Variants in C19orf38 observed in about 807,000 individuals in gnomAD.
The protein encoded by C19orf38 is chromosome 19 open reading frame 38.
Under a neutral mutation model 26.6 loss-of-function variants are expected in C19orf38, and 14 were observed. The ratio of observed to expected loss-of-function variants is 0.53; its 90% CI spans 0.35 to 0.82. The LOEUF (loss-of-function observed/expected upper bound fraction) is 0.82, where lower values mean the gene tolerates loss of function less well. C19orf38 is among the 40% of genes least tolerant of loss of function. C19orf38 has a pLI of 0.01. For missense variants in C19orf38, 261 were observed against 299.5 expected, an observed-to-expected ratio of 0.87 and a Z score of 0.95; for synonymous variants, 132 against 128.5, an observed-to-expected ratio of 1.03 and a Z score of -0.18.
intron 2 of C19orf38, among the ~76,000 whole-genome samples, chr19:10,852,780 G>A (rs1568334827): frequency 6.6e-6 from 1 of 152,066 alleles, no homozygotes; most frequent in Non-Finnish European, 1.5e-5. Context: ...GCAAGGATTC[G>A]ATCTTTTCAC....
Position 10,861,655 on chromosome 19 carries a change from G to A in C19orf38, c.506-1515G>A, listed in dbSNP as rs527480321. ...TGCAGTGGCACGATCTCAGCTTACT[G>A]CAACCTCTGCCTCCCGGGTTCAAGT... On this transcript the variant is annotated intron_variant, in intron 5 of 6. Coordinates refer to ENST00000397820, the MANE Select transcript of C19orf38 (RefSeq NM_001136482.3). 2.1e-3 allele frequency among the ~76,000 whole-genome samples: 314 copies of A among 152,098 alleles called. 1 individual carries two copies. Among genetic ancestry groups the A allele is most frequent in the Non-Finnish European group, 3.1e-3 (208 of 67,998 alleles).
intron 3 of C19orf38, among the ~76,000 whole-genome samples, chr19:10,857,340 A>G (rs1393467750): frequency 4.7e-5 from 2 of 42,116 alleles, no homozygotes; most frequent in Non-Finnish European, 8.0e-5. Context: ...ACACACATAC[A>G]TATATATATA....
At position 10,858,319 on chromosome 19, in the gene C19orf38, A is replaced by G. The variant is rs1351142622; in HGVS notation, c.437A>G (p.Lys146Arg). 3 of 1,548,164 alleles carry G rather than the reference A, an allele frequency of 1.9e-6. No homozygotes were observed. In the South Asian group the frequency reaches 3.6e-5, roughly 18 times the overall value. The change falls in exon 4 of 7, where the codon AAA becomes AGA. Residue 146 changes from lysine (K) to arginine (R), a missense_variant. Physicochemically the swap from Lys to Arg is conservative, Grantham distance 26 (BLOSUM62 2). Transcript: ENST00000397820. ...GCTCATTTCTTTTTTGTTCCAGTTA[A>G]ACTCAGAAATTTACAGAAGAAAAGG... The part of the protein sequence containing the change: ...VAVALVVRKV[K>R]LRNLQKKRDR...
chr19:10,863,587 A>G lies in C19orf38; in HGVS notation c.543+380A>G, dbSNP rs574539622. Reference sequence around the variant, plus strand: ...GAGGCTTGTGACAATCTGTGTCACAATCTGTGACAGGCTGTGGTCGGTCCC... The same window carrying G: ...GAGGCTTGTGACAATCTGTGTCACAGTCTGTGACAGGCTGTGGTCGGTCCC... On this transcript the variant is annotated intron_variant, in intron 6 of 6. Transcript: ENST00000397820. Among the ~76,000 whole-genome samples the G allele has an allele frequency of 5.3e-5, 8 of 152,294 alleles. No homozygotes were observed. In the South Asian group the frequency reaches 1.2e-3, roughly 24 times the overall value.
chr19:10,859,280 ATGTGTGTGTG>A (rs1025386100), intron 4 of C19orf38, among the ~76,000 whole-genome samples: 657 of 40,084 alleles, frequency 0.016, 7 homozygotes, highest in African/African-American at 0.055. Context: ...GTGTGTGTGT[ATGTGTGTGTG>A]TATATGTGTG....
chr19:10,869,574 C>A lies in C19orf38; in HGVS notation c.*207C>A, dbSNP rs984397548. The A allele has an allele frequency of 1.5e-6, 1 of 662,554 alleles. No homozygotes were observed. Among genetic ancestry groups the A allele is most frequent in the Non-Finnish European group, 2.4e-6 (1 of 423,512 alleles). 41.0% of individuals were successfully genotyped at this position (662,554 alleles called of 1,614,324 possible). On this transcript the variant is annotated 3_prime_UTR_variant, in exon 7 of 7. Transcript: ENST00000397820. ...GGCACTATACAGACAACAGGAAGTT[C>A]CCCTCTCGACCTTCGGCTCCTCAGG...
At position 10,859,933 on chromosome 19, in the gene C19orf38, G is replaced by A. The variant is rs1349733932; in HGVS notation, c.480G>A (p.Trp160Ter). 6.4e-7 allele frequency: 1 copy of A among 1,551,882 alleles called. No homozygotes were observed. Among genetic ancestry groups the A allele is most frequent in the Admixed American group, 2.0e-5 (1 of 50,970 alleles). Reference sequence around the variant, plus strand: ...TTTGCAGAGATCGAGAATCCTGCTGGGCCCAGATTAACTTCGACAGCACAG... The same window carrying A: ...TTTGCAGAGATCGAGAATCCTGCTGAGCCCAGATTAACTTCGACAGCACAG... ...LQKKRDRESCWAQINFDSTDM... is the reference protein window; with the variant it reads ...LQKKRDRESC Residue 160 changes from tryptophan (W) to a stop codon, truncating the protein, a stop_gained, in exon 5 of 7, where the codon TGG becomes TGA. Coordinates refer to ENST00000397820, the MANE Select transcript of C19orf38 (RefSeq NM_001136482.3). LOFTEE classifies it high-confidence loss of function.
chr19:10,841,760 C>T (rs1318945070), intron 1 of C19orf38: 1 of 776,294 alleles, frequency 1.3e-6, no homozygotes, highest in Non-Finnish European at 2.2e-6. Flanking sequence ...ATCTCTTGAG[C>T]CCAGGAGTTC....
chr19:10,853,519 C>G (rs1297020330), intron 2 of C19orf38, among the ~76,000 whole-genome samples: 3 of 151,704 alleles, frequency 2.0e-5, no homozygotes, highest in South Asian at 2.1e-4. Context: ...CTCCTGACCT[C>G]AGGTGTTCTG....
upstream of C19orf38, among the ~76,000 whole-genome samples, chr19:10,845,187 A>C (rs192600600): frequency 1.4e-4 from 21 of 152,008 alleles, no homozygotes; most frequent in Non-Finnish European, 2.9e-4. Flanking sequence ...ATGAGGATGA[A>C]TTCAATAAAT....
intron 2 of C19orf38, among the ~76,000 whole-genome samples, chr19:10,855,106 C>A (rs538624876): frequency 1.1e-4 from 16 of 145,726 alleles, no homozygotes; most frequent in African/African-American, 3.8e-4. Flanking sequence ...GGCCCAATCT[C>A]GGCTCACTGC....
At chr19:10,854,085 C>G (rs1401084744) in intron 2 of C19orf38, among the ~76,000 whole-genome samples, 1 of 148,528 alleles carries the variant, frequency 6.7e-6, no homozygotes, top group Admixed American at 6.8e-5. Flanking sequence ...ATTTTTGAGA[C>G]AGAGTCTCAC....
intron 6 of C19orf38, 107 bp from the exon 7 acceptor site, chr19:10,869,111 G>A: frequency 7.0e-7 from 1 of 1,425,012 alleles, no homozygotes; most frequent in South Asian, 1.2e-5. Flanking sequence ...GGCGGGATGA[G>A]AGGAGACCTG....
At position 10,869,248 on chromosome 19, in the gene C19orf38, T is replaced by C. The variant is rs1049133624; in HGVS notation, c.574T>C (p.Leu192=). The change falls in exon 7 of 7, where the codon TTG becomes CTG. Residue 192 remains leucine (L), a synonymous_variant. Coordinates refer to ENST00000397820, the MANE Select transcript of C19orf38 (RefSeq NM_001136482.3). The part of the protein sequence containing the change: ...KTMPEEDPAT[L]DDHSGTTATP... Reference sequence around the variant, plus strand: ...GATGCCAGAAGAAGACCCGGCCACCTTGGATGATCACTCAGGCACCACTGC... The same window carrying C: ...GATGCCAGAAGAAGACCCGGCCACCCTGGATGATCACTCAGGCACCACTGC... 2.2e-5 allele frequency: 34 copies of C among 1,551,564 alleles called. No individual in the cohort carries two copies. The African/African-American group carries it at 3.6e-4, about 16-fold the overall frequency.
intron 6 of C19orf38, among the ~76,000 whole-genome samples, chr19:10,868,896 T>C (rs1041722637): frequency 6.6e-6 from 1 of 152,188 alleles, no homozygotes; most frequent in African/African-American, 2.4e-5. Flanking sequence ...TTAAGCCTCA[T>C]AGCAGCCCTA....
At chr19:10,859,366 ATATATATATATATATATATTTTTT>A (rs1230855968) in intron 4 of C19orf38, among the ~76,000 whole-genome samples, 5 of 48,946 alleles carry the variant, frequency 1.0e-4, no homozygotes, top group African/African-American at 2.4e-4. Flanking sequence ...ATATATATAT[ATATATATATATATATATATTTTTT>A]TTTTTTTTTT....
At chr19:10,857,354 A>T (rs2073637247) in intron 3 of C19orf38, among the ~76,000 whole-genome samples, 1 of 78,642 alleles carries the variant, frequency 1.3e-5, no homozygotes, top group East Asian at 5.1e-4. Context: ...ATATATATAT[A>T]TATATATATA....
intron 1 of C19orf38, 74 bp downstream of exon 1, chr19:10,848,613 G>A: frequency 6.9e-7 from 1 of 1,448,188 alleles, no homozygotes; most frequent in Non-Finnish European, 9.5e-7. Flanking sequence ...CGCTCCAGGG[G>A]CAGAAACCAG....
Position 10,858,313 on chromosome 19 carries a change from C to T in C19orf38, c.434-3C>T, listed in dbSNP as rs559556203. ...ACACATGCTCATTTCTTTTTTGTTC[C>T]AGTTAAACTCAGAAATTTACAGAAG... On this transcript the variant is annotated splice_region_variant and splice_polypyrimidine_tract_variant and intron_variant, in intron 3 of 6. Transcript: ENST00000397820. The T allele has an allele frequency of 1.3e-6, 2 of 1,532,608 alleles. No homozygotes were observed. The highest frequency in any genetic ancestry group is 2.8e-5 in the African/African-American group (2 of 71,872). 94.9% of individuals were successfully genotyped at this position (1,532,608 alleles called of 1,614,324 possible). A position where few individuals can be genotyped will look rare whatever the true frequency, so the allele number is the denominator to read the frequency against.
Sources: gnomAD v4.1 joint callset for allele counts (sites outside exome capture counted in the v4.1 genomes callset) on GRCh38, gnomAD v4.1.1 for gene constraint, MANE v1.5 for transcripts, NCBI Gene and HGNC (gene_info 2026-07-23, HGNC 2026-07-21) for gene names.